The following REXO5 variants were observed in gnomAD, a reference collection of about 807,000 sequenced individuals.
The protein encoded by REXO5 is RNA exonuclease 5.
Under a neutral mutation model 88.5 loss-of-function variants are expected in REXO5, and 48 were observed. That is an observed-to-expected ratio of 0.54 (90% CI 0.43 to 0.69). The LOEUF (loss-of-function observed/expected upper bound fraction) is 0.69, where lower values mean the gene tolerates loss of function less well. Among genes scored for constraint, REXO5 ranks in the 30% least tolerant of loss-of-function variants. The probability of loss-of-function intolerance (pLI) is 0.00; values close to 1 mark genes in which losing one functional copy is unlikely to be tolerated. For missense variants in REXO5, 749 were observed against 912.2 expected, an observed-to-expected ratio of 0.82 and a Z score of 2.30; for synonymous variants, 311 against 336.5, an observed-to-expected ratio of 0.92 and a Z score of 0.83.
chr16:20,838,690 G>T (rs2081476918), intron 13 of REXO5, among the ~76,000 whole-genome samples: 1 of 152,202 alleles, frequency 6.6e-6, no homozygotes, highest in East Asian at 1.9e-4. Context: ...ATGCCATGGT[G>T]ATCACATCTG....
intron 13 of REXO5, among the ~76,000 whole-genome samples, 184 bp from the exon 14 acceptor site, chr16:20,839,571 T>A (rs2081493506): frequency 6.6e-6 from 1 of 152,202 alleles, no homozygotes; most frequent in Non-Finnish European, 1.5e-5. Context: ...TTTTTATTGA[T>A]TCTGTGGTTC....
At chr16:20,833,625 C>G (rs1348680332) in intron 13 of REXO5, among the ~76,000 whole-genome samples, 1 of 152,052 alleles carries the variant, frequency 6.6e-6, no homozygotes, top group African/African-American at 2.4e-5. Context: ...TGTCTAGATT[C>G]ACCTTTTTTA....
chr16:20,815,235 A>G (rs1299532249), intron 4 of REXO5, among the ~76,000 whole-genome samples, 182 bp downstream of exon 4: 1 of 152,158 alleles, frequency 6.6e-6, no homozygotes, highest in East Asian at 1.9e-4. Context: ...AATCTAGGCA[A>G]ACTCTTATTC....
intron 6 of REXO5, among the ~76,000 whole-genome samples, 174 bp from the exon 7 acceptor site, chr16:20,824,265 G>A (rs1020149535): frequency 6.6e-6 from 1 of 152,074 alleles, no homozygotes; most frequent in African/African-American, 2.4e-5. Flanking sequence ...TGAGTAGATG[G>A]AGAAAAACTT....
At position 20,813,312 on chromosome 16, in the gene REXO5, G is replaced by A. The variant is rs371747524; in HGVS notation, c.251+10G>A. 6.8e-5 allele frequency: 89 copies of A among 1,305,394 alleles called. No individual in the cohort carries two copies. Among genetic ancestry groups the A allele is most frequent in the African/African-American group, 5.1e-4 (34 of 66,838 alleles). The allele number at this position is 1,305,394 out of a possible 1,614,324, so 80.9% of individuals were successfully genotyped here. ...ATGTTCCAAAACCCAGGTATGAGAT[G>A]AATTTAAATGGTGGGTATTGACCAG... On this transcript the variant is annotated intron_variant, in intron 3 of 19. Coordinates refer to ENST00000261377, the MANE Select transcript of REXO5 (RefSeq NM_030941.3).
intron 13 of REXO5, 107 bp downstream of exon 13, chr16:20,833,230 C>A: frequency 8.3e-7 from 1 of 1,201,804 alleles, no homozygotes; most frequent in East Asian, 2.6e-5. Context: ...ACCCTGGCTA[C>A]AGTTAGCAAG....
chr16:20,822,938 CTG>C (rs1253148424), intron 6 of REXO5, among the ~76,000 whole-genome samples: 1 of 152,140 alleles, frequency 6.6e-6, no homozygotes, highest in East Asian at 1.9e-4. Flanking sequence ...TGTGACAACT[CTG>C]TGTTTAACCT....
At chr16:20,837,910 C>T (rs938065863) in intron 13 of REXO5, among the ~76,000 whole-genome samples, 2 of 152,078 alleles carry the variant, frequency 1.3e-5, no homozygotes, top group African/African-American at 4.8e-5. Context: ...GGACTACAGG[C>T]ATGTGCCACC....
Position 20,844,940 on chromosome 16 carries a change from A to T in REXO5, c.1936+95A>T, listed in dbSNP as rs932602346. The stretch of plus-strand genomic sequence containing the variant: ...AAGGAAGATTCACCTCCTGGGCTGG[A>T]CCAGGGCAGCAGTTCCTGATTCTGT... On this transcript the variant is annotated intron_variant, in intron 17 of 19. Transcript: ENST00000261377. 34 of 1,528,970 alleles carry T rather than the reference A, an allele frequency of 2.2e-5. No individual in the cohort carries two copies. The African/African-American group carries it at 4.7e-4, about 21-fold the overall frequency. The allele number at this position is 1,528,970 out of a possible 1,614,324, so 94.7% of individuals were successfully genotyped here.
chr16:20,807,222 C>G (rs1216143228), intron 2 of REXO5, 131 bp downstream of exon 2: 3 of 1,033,862 alleles, frequency 2.9e-6, no homozygotes, highest in Non-Finnish European at 4.2e-6. Context: ...GATCCCTGAT[C>G]ATTAAAATGG....
At chr16:20,807,446 G>A (rs771997122) in intron 2 of REXO5, 8 of 259,466 alleles carry the variant, frequency 3.1e-5, no homozygotes, top group African/African-American at 6.7e-5. Flanking sequence ...AGCCAGGCGT[G>A]GTAGTGGGTG....
At chr16:20,819,249 G>A (rs1465068882) in intron 5 of REXO5, among the ~76,000 whole-genome samples, 1 of 151,852 alleles carries the variant, frequency 6.6e-6, no homozygotes, top group East Asian at 1.9e-4. Flanking sequence ...TATTCCTTTA[G>A]AATATACCCA....
Position 20,846,175 on chromosome 16 carries a change from C to T in REXO5, c.2125-46C>T, listed in dbSNP as rs575747155. 312 of 1,446,384 alleles carry T rather than the reference C, an allele frequency of 2.2e-4. 3 individuals carry two copies. The South Asian group carries it at 3.1e-3, about 14-fold the overall frequency. The allele number at this position is 1,446,384 out of a possible 1,614,324, so 89.6% of individuals were successfully genotyped here. A position where few individuals can be genotyped will look rare whatever the true frequency, so the allele number is the denominator to read the frequency against. ...AGTGTTGCAGCCCTTCCAAAGGTAA[C>T]GAGAGAGTGTTCTGGCTGAGTATCG... On this transcript the variant is annotated intron_variant, in intron 18 of 19. Transcript: ENST00000261377.
At chr16:20,830,990 G>GTTTTTTTTTTTTTTTTTTTTTTTTTTTTT (rs11337519) in intron 11 of REXO5, among the ~76,000 whole-genome samples, 1 of 97,076 alleles carries the variant, frequency 1.0e-5, no homozygotes, top group Non-Finnish European at 2.0e-5. Context: ...TTCTTTTTCT[G>GTTTTTTTTTTTTTTTTTTTTTTTTTTTTT]TTTTTTTTTT....
chr16:20,815,813 C>T (rs539092506), intron 4 of REXO5, among the ~76,000 whole-genome samples: 12 of 152,184 alleles, frequency 7.9e-5, no homozygotes, highest in Non-Finnish European at 1.5e-4. Flanking sequence ...CAATGGCATG[C>T]TTTCCAATGA....
chr16:20,813,417 C>T, intron 3 of REXO5, 115 bp downstream of exon 3: 1 of 631,288 alleles, frequency 1.6e-6, no homozygotes, highest in South Asian at 2.1e-5. Context: ...GGCTTATCGA[C>T]AGTATTTTTT....
intron 13 of REXO5, among the ~76,000 whole-genome samples, chr16:20,839,535 G>A (rs192675299): frequency 6.6e-6 from 1 of 152,188 alleles, no homozygotes; most frequent in East Asian, 1.9e-4. Flanking sequence ...CCGAAGGTAT[G>A]GCTCATATGT....
At chr16:20,812,742 C>T (rs576334267) in intron 2 of REXO5, among the ~76,000 whole-genome samples, 1 of 152,240 alleles carries the variant, frequency 6.6e-6, no homozygotes, top group South Asian at 2.1e-4. Flanking sequence ...GCGATGTTCC[C>T]TCCAACATGG....
At chr16:20,820,770 G>A (rs926658170) in intron 5 of REXO5, among the ~76,000 whole-genome samples, 10 of 150,936 alleles carry the variant, frequency 6.6e-5, no homozygotes, top group Non-Finnish European at 1.2e-4. Flanking sequence ...CACCATGTTG[G>A]CCAGGCTGGT....
Sources: allele counts gnomAD v4.1 joint callset (sites outside exome capture counted in the v4.1 genomes callset), GRCh38; gene constraint gnomAD v4.1.1; transcripts MANE v1.5; gene names NCBI Gene and HGNC (gene_info 2026-07-23, HGNC 2026-07-21).